Variants in AP3B1 observed in about 807,000 individuals in gnomAD.
AP3B1 encodes the protein adaptor related protein complex 3 subunit beta 1.
AP3B1 carries 61 observed loss-of-function variants against 132.5 expected under a neutral mutation model. The observed-to-expected ratio is 0.46, with a 90% confidence interval of 0.37 to 0.57. AP3B1 has a LOEUF of 0.57. Ranked by LOEUF, AP3B1 falls within the 20% of genes least tolerant of loss-of-function variation. The pLI is 0.00. For synonymous variants in AP3B1, 388 were observed against 438.3 expected (o/e 0.89, Z 1.43); for missense variants, 1,120 against 1,289.4 (o/e 0.87, Z 2.01).
chr5:78,089,269 G>A (rs778232748), intron 22 of AP3B1, 124 bp downstream of exon 22: 3 of 735,136 alleles, frequency 4.1e-6, no homozygotes, highest in Non-Finnish European at 7.0e-6. Flanking sequence ...TAGCTAAATT[G>A]GGCTTGTTCT....
intron 2 of AP3B1, 143 bp from the exon 3 acceptor site, chr5:78,241,079 A>G: frequency 1.6e-6 from 1 of 634,444 alleles, no homozygotes; most frequent in South Asian, 2.1e-5. Flanking sequence ...CAAATAATAA[A>G]CACTATCTTG....
intron 6 of AP3B1, among the ~76,000 whole-genome samples, chr5:78,223,235 TACC>T (rs1746264135): frequency 6.6e-6 from 1 of 151,948 alleles, no homozygotes; most frequent in South Asian, 2.1e-4. Flanking sequence ...CTCTGTGCTA[TACC>T]ACCAGAATTA....
intron 22 of AP3B1, among the ~76,000 whole-genome samples, chr5:78,078,970 T>C (rs1317742040): frequency 6.6e-6 from 1 of 152,204 alleles, no homozygotes; most frequent in Non-Finnish European, 1.5e-5. Flanking sequence ...CTTACAGATT[T>C]CAGATATGAA....
At chr5:78,282,848 CAAAAAA>C (rs70997985) in intron 1 of AP3B1, among the ~76,000 whole-genome samples, 8 of 129,372 alleles carry the variant, frequency 6.2e-5, no homozygotes, top group Non-Finnish European at 8.2e-5. Flanking sequence ...TTGTCTCTAC[CAAAAAA>C]AAAAAAAAAA....
chr5:78,018,685 C>A (rs2112061241), intron 25 of AP3B1, among the ~76,000 whole-genome samples: 2 of 151,932 alleles, frequency 1.3e-5, no homozygotes, highest in East Asian at 3.9e-4. Context: ...CACACACACA[C>A]ACACACACAC....
intron 22 of AP3B1, among the ~76,000 whole-genome samples, chr5:78,066,494 C>T (rs1216665496): frequency 6.6e-6 from 1 of 152,166 alleles, no homozygotes. Flanking sequence ...AACTGAAAAA[C>T]ACAACATGAG....
intron 22 of AP3B1, among the ~76,000 whole-genome samples, chr5:78,052,951 T>A (rs908266758): frequency 1.3e-5 from 2 of 152,224 alleles, no homozygotes; most frequent in African/African-American, 4.8e-5. Context: ...CAGACTGAAT[T>A]TGACTTGTAA....
chr5:78,223,287 A>T (rs1746266426), intron 6 of AP3B1, among the ~76,000 whole-genome samples: 1 of 152,052 alleles, frequency 6.6e-6, no homozygotes, highest in Non-Finnish European at 1.5e-5. Flanking sequence ...CTATAGACAG[A>T]AAAAGAAATA....
intron 2 of AP3B1, among the ~76,000 whole-genome samples, chr5:78,256,833 G>A (rs1747868462): frequency 6.6e-6 from 1 of 152,064 alleles, no homozygotes; most frequent in African/African-American, 2.4e-5. Context: ...GACCAAGTGG[G>A]ATTTATCCCT....
intron 15 of AP3B1, among the ~76,000 whole-genome samples, chr5:78,131,206 T>G (rs572325793): frequency 6.6e-6 from 1 of 152,128 alleles, no homozygotes; most frequent in East Asian, 1.9e-4. Flanking sequence ...ATGTATCTAG[T>G]AACAAGGCAT....
chr5:78,142,546 A>C (rs1362575333), intron 14 of AP3B1, among the ~76,000 whole-genome samples: 3 of 152,192 alleles, frequency 2.0e-5, no homozygotes, highest in African/African-American at 7.2e-5. Flanking sequence ...AAAAGTGAGA[A>C]TAAGGACCTT....
intron 22 of AP3B1, among the ~76,000 whole-genome samples, chr5:78,079,382 T>C (rs1250187098): frequency 6.6e-6 from 1 of 152,122 alleles, no homozygotes; most frequent in Admixed American, 6.5e-5. Flanking sequence ...TTAAGAAAAT[T>C]AAGCATGGAA....
intron 11 of AP3B1, among the ~76,000 whole-genome samples, chr5:78,172,669 T>G (rs1221731339): frequency 6.6e-6 from 1 of 152,188 alleles, no homozygotes; most frequent in Non-Finnish European, 1.5e-5. Flanking sequence ...TCTGTTGATC[T>G]TTTCAAAAAA....
chr5:78,178,375 C>A (rs1188815131), intron 8 of AP3B1, among the ~76,000 whole-genome samples: 1 of 152,166 alleles, frequency 6.6e-6, no homozygotes, highest in East Asian at 1.9e-4. Context: ...GTACTCCCAC[C>A]CCTTTGGGAG....
intron 24 of AP3B1, among the ~76,000 whole-genome samples, chr5:78,024,521 C>T: frequency 6.6e-6 from 1 of 150,848 alleles, no homozygotes; most frequent in East Asian, 1.9e-4. Flanking sequence ...TCCCAAATAG[C>T]TGGGACTACA....
chr5:78,116,582 A>G (rs988445586), intron 17 of AP3B1, among the ~76,000 whole-genome samples: 2 of 152,120 alleles, frequency 1.3e-5, no homozygotes, highest in African/African-American at 4.8e-5. Context: ...TAACAAACAC[A>G]AGTTGATAGC....
chr5:78,209,645 C>T (rs1454520179), intron 7 of AP3B1, among the ~76,000 whole-genome samples: 1 of 152,124 alleles, frequency 6.6e-6, no homozygotes, highest in Non-Finnish European at 1.5e-5. Context: ...CCTGAGGCTG[C>T]ACATGTCACA....
At chr5:78,078,583 C>A (rs749578987) in intron 22 of AP3B1, among the ~76,000 whole-genome samples, 1 of 152,208 alleles carries the variant, frequency 6.6e-6, no homozygotes, top group Admixed American at 6.5e-5. Context: ...ATACGCATCT[C>A]CTCTTCTTCC....
chr5:78,193,159 T>C (rs1268417111), intron 7 of AP3B1, among the ~76,000 whole-genome samples: 1 of 152,200 alleles, frequency 6.6e-6, no homozygotes, highest in Non-Finnish European at 1.5e-5. Flanking sequence ...TTCAGTAATA[T>C]TTTAAAAATT....
Sources: gnomAD v4.1 joint callset for allele counts (sites outside exome capture counted in the v4.1 genomes callset) on GRCh38, gnomAD v4.1.1 for gene constraint, MANE v1.5 for transcripts, NCBI Gene and HGNC (gene_info 2026-07-23, HGNC 2026-07-21) for gene names.